The following ARHGAP42 variants were observed in gnomAD, a reference collection of about 807,000 sequenced individuals.
ARHGAP42 encodes the protein rho GTPase-activating protein 42.
ARHGAP42 carries 63 observed loss-of-function variants against 125.0 expected under a neutral mutation model. The observed-to-expected ratio is 0.50, with a 90% CI of 0.41 to 0.62. ARHGAP42 has a LOEUF of 0.62. ARHGAP42 is among the 20% of genes least tolerant of loss of function. ARHGAP42 has a pLI of 0.00. For synonymous variants in ARHGAP42, 339 were observed against 351.0 expected (o/e 0.97, Z 0.38); for missense variants, 766 against 1,024.2 (o/e 0.75, Z 3.44).
At chr11:100,783,962 T>C (rs1038090356) in intron 2 of ARHGAP42, among the ~76,000 whole-genome samples, 2 of 152,132 alleles carry the variant, frequency 1.3e-5, no homozygotes, top group Non-Finnish European at 2.9e-5. Flanking sequence ...TATGATCTAA[T>C]CAGTATAATG....
At chr11:100,747,574 A>G (rs900339890) in intron 1 of ARHGAP42, among the ~76,000 whole-genome samples, 3 of 152,216 alleles carry the variant, frequency 2.0e-5, no homozygotes, top group African/African-American at 7.2e-5. Flanking sequence ...ACTTTACCCA[A>G]TGTGTTTACA....
At chr11:100,958,730 G>T (rs1857875850) in intron 12 of ARHGAP42, among the ~76,000 whole-genome samples, 1 of 151,720 alleles carries the variant, frequency 6.6e-6, no homozygotes, top group Non-Finnish European at 1.5e-5. Context: ...GAGAAAATAG[G>T]CCTTATTGTC....
In ARHGAP42 at chr11:100,989,023, C is replaced by T. The variant is rs1458033957; in HGVS notation, c.*222C>T. On this transcript the variant is annotated 3_prime_UTR_variant, in exon 24 of 24. Coordinates refer to ENST00000298815, the MANE Select transcript of ARHGAP42 (RefSeq NM_152432.4). ...TGGTTTCTTATTTTAAAATATCTTA[C>T]TTGTGAAAAATGTGTTTTTGGATAA... is the stretch of plus-strand genomic sequence containing the variant. The T allele has an allele frequency of 9.0e-5, 45 of 498,124 alleles. No individual in the cohort carries two copies. In the South Asian group the frequency reaches 1.8e-3, roughly 20 times the overall value. 30.9% of individuals were successfully genotyped at this position (498,124 alleles called of 1,614,324 possible). A position where few individuals can be genotyped will look rare whatever the true frequency, so the allele number is the denominator to read the frequency against.
chr11:100,990,799 C>A lies in ARHGAP42; in HGVS notation c.*1998C>A, dbSNP rs942614463. The A allele has an allele frequency of 1.2e-4, 19 of 152,546 alleles. No individual in the cohort carries two copies. Among genetic ancestry groups the A allele is most frequent in the African/African-American group, 4.3e-4 (18 of 41,464 alleles). The allele number at this position is 152,546 out of a possible 1,614,324, so 9.4% of individuals were successfully genotyped here. The stretch of plus-strand genomic sequence containing the variant: ...TGCCATCATCTGGTATCCTGCTAGA[C>A]TAGAATCTCTTAAAAGCAAATTGGT... On this transcript the variant is annotated 3_prime_UTR_variant, in exon 24 of 24. Coordinates refer to ENST00000298815, the MANE Select transcript of ARHGAP42 (RefSeq NM_152432.4).
intron 2 of ARHGAP42, among the ~76,000 whole-genome samples, chr11:100,778,229 G>C (rs963065522): frequency 2.6e-5 from 4 of 151,762 alleles, no homozygotes; most frequent in Non-Finnish European, 5.9e-5. Flanking sequence ...ATTCTTCTTG[G>C]GCATTTTTAG....
At chr11:100,898,982 G>C (rs535988231) in intron 4 of ARHGAP42, among the ~76,000 whole-genome samples, 1 of 152,130 alleles carries the variant, frequency 6.6e-6, no homozygotes, top group East Asian at 1.9e-4. Context: ...GGCATTTAGT[G>C]CTATAAATTT....
chr11:100,801,384 C>T (rs1342534461), intron 3 of ARHGAP42, among the ~76,000 whole-genome samples: 1 of 152,050 alleles, frequency 6.6e-6, no homozygotes, highest in Non-Finnish European at 1.5e-5. Context: ...CCAAAGTCTT[C>T]AGTATGTTGA....
intron 2 of ARHGAP42, among the ~76,000 whole-genome samples, chr11:100,787,214 C>T (rs974409026): frequency 6.6e-6 from 1 of 151,334 alleles, no homozygotes; most frequent in African/African-American, 2.4e-5. Context: ...GGAGGCAGAG[C>T]TTGCAGTGAG....
In ARHGAP42 at chr11:100,827,410, CA is replaced by C. The variant is rs1565231038; in HGVS notation, c.313-32143del. Among the ~76,000 whole-genome samples, 43 of 152,212 alleles carry C rather than the reference CA, an allele frequency of 2.8e-4. 1 individual carries two copies. The highest frequency in any genetic ancestry group is 3.8e-4 in the Non-Finnish European group (26 of 68,046). ...GGTCATGGTAGTCTGGTATGCAACT[CA>C]TACTTTGTGAAGCTGATGTGGCCTG... is the stretch of plus-strand genomic sequence containing the variant. On this transcript the variant is annotated intron_variant, in intron 3 of 23. Coordinates refer to ENST00000298815, the MANE Select transcript of ARHGAP42 (RefSeq NM_152432.4).
chr11:100,924,547 A>G (rs890532705), intron 6 of ARHGAP42, among the ~76,000 whole-genome samples: 3 of 151,928 alleles, frequency 2.0e-5, no homozygotes, highest in African/African-American at 7.3e-5. Flanking sequence ...TGTGCCTGTC[A>G]TCTAAGCTAC....
chr11:100,755,566 G>T (rs1862551292), intron 1 of ARHGAP42, among the ~76,000 whole-genome samples: 1 of 152,138 alleles, frequency 6.6e-6, no homozygotes, highest in Non-Finnish European at 1.5e-5. Flanking sequence ...AGCATTTCTA[G>T]GGTTCTCAGA....
At chr11:100,937,196 T>C (rs1421855430) in intron 8 of ARHGAP42, among the ~76,000 whole-genome samples, 1 of 152,194 alleles carries the variant, frequency 6.6e-6, no homozygotes, top group Non-Finnish European at 1.5e-5. Context: ...GAACACTGGC[T>C]CAAGAGATCT....
At chr11:100,958,428 A>C (rs1857864117) in intron 12 of ARHGAP42, among the ~76,000 whole-genome samples, 1 of 152,014 alleles carries the variant, frequency 6.6e-6, no homozygotes, top group African/African-American at 2.4e-5. Context: ...CAAAGAAATA[A>C]ATGAGCCACT....
At chr11:100,727,662 T>G (rs1861885019) in intron 1 of ARHGAP42, among the ~76,000 whole-genome samples, 1 of 152,162 alleles carries the variant, frequency 6.6e-6, no homozygotes, top group Non-Finnish European at 1.5e-5. Context: ...ATCCACGTGC[T>G]GGGAGGGTGG....
chr11:100,802,574 G>A (rs978328128), intron 3 of ARHGAP42, among the ~76,000 whole-genome samples: 32 of 151,790 alleles, frequency 2.1e-4, no homozygotes, highest in Admixed American at 3.9e-4. Context: ...ACAGGCGCAC[G>A]CCACTACACC....
At chr11:100,899,699 T>A (rs1866477016) in intron 4 of ARHGAP42, among the ~76,000 whole-genome samples, 1 of 147,498 alleles carries the variant, frequency 6.8e-6, no homozygotes, top group Non-Finnish European at 1.5e-5. Context: ...TTGTTTTGTT[T>A]TTTTTGTTTT....
Position 100,941,902 on chromosome 11 carries a change from T to G in ARHGAP42, c.933+18T>G. ...GGAAAATGGTGAGTTAGTTTTGTTT[T>G]CTGTTTGTTTTTTAAACTGTTCATT... On this transcript the variant is annotated intron_variant, in intron 9 of 23. Coordinates refer to ENST00000298815, the MANE Select transcript of ARHGAP42 (RefSeq NM_152432.4). 1 of 1,485,688 alleles carries G rather than the reference T, an allele frequency of 6.7e-7. No homozygotes were observed. The highest frequency in any genetic ancestry group is 9.1e-7 in the Non-Finnish European group (1 of 1,102,668). The allele number at this position is 1,485,688 out of a possible 1,614,324, so 92.0% of individuals were successfully genotyped here. A position where few individuals can be genotyped will look rare whatever the true frequency, so the allele number is the denominator to read the frequency against.
At chr11:100,880,621 G>T (rs931602466) in intron 4 of ARHGAP42, among the ~76,000 whole-genome samples, 1 of 152,198 alleles carries the variant, frequency 6.6e-6, no homozygotes, top group East Asian at 1.9e-4. Context: ...CCAGTAGTGG[G>T]ATTGCTGGAT....
chr11:100,812,362 C>T (rs141332274), intron 3 of ARHGAP42, among the ~76,000 whole-genome samples: 120 of 152,316 alleles, frequency 7.9e-4, no homozygotes, highest in African/African-American at 2.8e-3. Context: ...ATTTATTAAT[C>T]TCTTTCTCTG....
Sources: gnomAD v4.1 joint callset for allele counts (sites outside exome capture counted in the v4.1 genomes callset) on GRCh38, gnomAD v4.1.1 for gene constraint, MANE v1.5 for transcripts, NCBI Gene and HGNC (gene_info 2026-07-23, HGNC 2026-07-21) for gene names.